Variants in ADAMTSL1 observed in about 807,000 individuals in gnomAD.
The protein encoded by ADAMTSL1 is ADAMTS like 1, also known as ADAMTS-like protein 1.
ADAMTSL1 carries 126 observed loss-of-function variants against 201.8 expected under a neutral mutation model. The ratio of observed to expected loss-of-function variants is 0.62; its 90% CI spans 0.54 to 0.72. ADAMTSL1 has a LOEUF of 0.72. Among genes scored for constraint, ADAMTSL1 ranks in the 30% least tolerant of loss-of-function variants. The pLI, the probability that ADAMTSL1 is intolerant of heterozygous loss-of-function variation, is 0.00. For synonymous variants in ADAMTSL1, 1,121 were observed against 903.4 expected (o/e 1.24, Z -4.32); for missense variants, 2,679 against 2,277.8 (o/e 1.18, Z -3.59).
chr9:18,647,443 T>A (rs1344908830), intron 7 of ADAMTSL1, among the ~76,000 whole-genome samples: 1 of 152,126 alleles, frequency 6.6e-6, no homozygotes, highest in Non-Finnish European at 1.5e-5. Flanking sequence ...TGAATGTGTT[T>A]GCTCTTGCTT....
At chr9:18,030,660 T>C (rs902756660) in intron 1 of ADAMTSL1, among the ~76,000 whole-genome samples, 7 of 152,306 alleles carry the variant, frequency 4.6e-5, no homozygotes, top group Admixed American at 2.0e-4. Context: ...ACAGGACTTC[T>C]CTTAATTTCT....
intron 1 of ADAMTSL1, among the ~76,000 whole-genome samples, chr9:18,142,182 A>G (rs1209830669): frequency 1.3e-5 from 2 of 152,164 alleles, no homozygotes; most frequent in Non-Finnish European, 2.9e-5. Flanking sequence ...ATCTTCTACC[A>G]TCAAGTTACA....
chr9:18,350,651 GTTAA>G (rs1036933349), intron 2 of ADAMTSL1, among the ~76,000 whole-genome samples: 5 of 152,230 alleles, frequency 3.3e-5, no homozygotes, highest in Admixed American at 2.6e-4. Context: ...TTCTTTTGGC[GTTAA>G]TTATTTCACA....
At chr9:18,166,816 T>G (rs184339588) in intron 2 of ADAMTSL1, among the ~76,000 whole-genome samples, 2 of 152,166 alleles carry the variant, frequency 1.3e-5, no homozygotes, top group East Asian at 3.9e-4. Flanking sequence ...CTGCCTTATT[T>G]GTGGCACGCT....
intron 1 of ADAMTSL1, among the ~76,000 whole-genome samples, chr9:18,487,761 C>A (rs930325808): frequency 2.6e-5 from 4 of 152,148 alleles, no homozygotes; most frequent in African/African-American, 9.7e-5. Flanking sequence ...ATATGCAGTA[C>A]AGATTATTTT....
intron 2 of ADAMTSL1, among the ~76,000 whole-genome samples, chr9:18,418,224 C>A (rs753460254): frequency 1.3e-5 from 2 of 151,964 alleles, no homozygotes; most frequent in Non-Finnish European, 2.9e-5. Context: ...GCTAAAAAAC[C>A]CAACCAAACA....
At chr9:17,923,159 T>C (rs4475608) in intron 1 of ADAMTSL1, among the ~76,000 whole-genome samples, 125,289 of 145,418 alleles carry the variant, frequency 0.86, 53,915 homozygotes, top group East Asian at 0.92. Flanking sequence ...TTAAAGTAGT[T>C]TTTTCCAATT....
chr9:18,500,092 T>A (rs1035539114), intron 1 of ADAMTSL1, among the ~76,000 whole-genome samples: 2 of 152,168 alleles, frequency 1.3e-5, no homozygotes, highest in Admixed American at 6.5e-5. Context: ...ACATAGGAGG[T>A]CATTCTAAGG....
chr9:17,988,262 C>T (rs1819006006), intron 1 of ADAMTSL1, among the ~76,000 whole-genome samples: 1 of 151,980 alleles, frequency 6.6e-6, no homozygotes, highest in Non-Finnish European at 1.5e-5. Context: ...ATGTTCAAGC[C>T]TGTTAGAGGT....
intron 2 of ADAMTSL1, among the ~76,000 whole-genome samples, chr9:18,437,382 T>C (rs1412811007): frequency 1.3e-5 from 2 of 152,154 alleles, no homozygotes; most frequent in Non-Finnish European, 2.9e-5. Flanking sequence ...GAGTCTGATT[T>C]GTCCCTCCAG....
At chr9:18,128,186 C>G (rs1185181058) in intron 1 of ADAMTSL1, among the ~76,000 whole-genome samples, 2 of 152,100 alleles carry the variant, frequency 1.3e-5, no homozygotes, top group African/African-American at 4.8e-5. Context: ...TGGGAGAATT[C>G]TATTAGACTG....
chr9:18,685,553 A>C (rs1475812088), intron 13 of ADAMTSL1, among the ~76,000 whole-genome samples: 1 of 152,168 alleles, frequency 6.6e-6, no homozygotes, highest in Non-Finnish European at 1.5e-5. Context: ...AGGTTGAAAA[A>C]TTTTCTAAAT....
At chr9:18,654,301 G>A (rs773798175) in intron 7 of ADAMTSL1, among the ~76,000 whole-genome samples, 6 of 152,196 alleles carry the variant, frequency 3.9e-5, no homozygotes, top group Non-Finnish European at 7.3e-5. Flanking sequence ...ATCATTTGAT[G>A]ATAAAATCAA....
chr9:17,907,602 G>A (rs950735184), intron 1 of ADAMTSL1, among the ~76,000 whole-genome samples: 1 of 152,130 alleles, frequency 6.6e-6, no homozygotes, highest in East Asian at 1.9e-4. Context: ...AGGAACTGGG[G>A]ACTTCTCCAG....
intron 21 of ADAMTSL1, among the ~76,000 whole-genome samples, chr9:18,822,217 T>C (rs1824254524): frequency 6.6e-6 from 1 of 151,710 alleles, no homozygotes; most frequent in Non-Finnish European, 1.5e-5. Context: ...TTTTCAGGTG[T>C]TTGTTTTTGT....
intron 2 of ADAMTSL1, among the ~76,000 whole-genome samples, chr9:18,405,129 G>T (rs1818135763): frequency 6.6e-6 from 1 of 152,120 alleles, no homozygotes; most frequent in African/African-American, 2.4e-5. Flanking sequence ...CTGTATAGCT[G>T]CATCTTTTTC....
chr9:18,850,965 C>G (rs1826456913), intron 23 of ADAMTSL1, among the ~76,000 whole-genome samples: 1 of 152,192 alleles, frequency 6.6e-6, no homozygotes, highest in Non-Finnish European at 1.5e-5. Flanking sequence ...CAGTTTAGTG[C>G]TTGCTACAAA....
intron 2 of ADAMTSL1, among the ~76,000 whole-genome samples, chr9:18,318,638 C>G (rs1834501323): frequency 6.6e-6 from 1 of 152,144 alleles, no homozygotes; most frequent in Non-Finnish European, 1.5e-5. Flanking sequence ...AGTGGTGTAT[C>G]ACATCTCCAA....
At chr9:18,717,865 A>T in intron 14 of ADAMTSL1, 1 of 781,956 alleles carries the variant, frequency 1.3e-6, no homozygotes, top group African/African-American at 1.7e-5. Context: ...CCACCACAGG[A>T]AAGTCCATTT....
Sources: allele counts gnomAD v4.1 joint callset (sites outside exome capture counted in the v4.1 genomes callset), GRCh38; gene constraint gnomAD v4.1.1; transcripts MANE v1.5; gene names NCBI Gene and HGNC (gene_info 2026-07-23, HGNC 2026-07-21).